Variants in SAMD9L observed in about 807,000 individuals in gnomAD.
The protein encoded by SAMD9L is sterile alpha motif domain containing 9 like, also known as sterile alpha motif domain-containing protein 9-like.
In SAMD9L, 68 loss-of-function variants were observed where a neutral mutation model predicts 90.7. The ratio of observed to expected loss-of-function variants is 0.75; its 90% CI spans 0.62 to 0.92. The LOEUF (loss-of-function observed/expected upper bound fraction) is 0.92, where lower values mean the gene tolerates loss of function less well. Among genes scored for constraint, SAMD9L ranks in the 40% least tolerant of loss-of-function variants. SAMD9L has a pLI of 0.00. For synonymous variants in SAMD9L, 640 were observed against 630.1 expected (o/e 1.02, Z -0.23); for missense variants, 1,604 against 1,824.3 (o/e 0.88, Z 2.20).
chr7:93,131,513 T>A lies in SAMD9L; in HGVS notation c.4459A>T (p.Ile1487Phe), dbSNP rs765115425. Reference sequence around the variant, plus strand: ...TGCTCTATTTTGGCCTTGTGAACAATACTGTTTAGACCCTTCCTTTTGCCC... The same window carrying A: ...TGCTCTATTTTGGCCTTGTGAACAAAACTGTTTAGACCCTTCCTTTTGCCC... ...YLGKRKGLNSIVHKAKIEQYF... is the reference protein window; with the variant it reads ...YLGKRKGLNSFVHKAKIEQYF... Residue 1487 changes from isoleucine (I) to phenylalanine (F), a missense_variant, in exon 5 of 5, where the codon ATT becomes TTT. Ile to Phe is a conservative substitution (Grantham distance 21, BLOSUM62 0). Around this residue, in one of 7 missense-constraint regions of SAMD9L, gnomAD observed 282 missense variants for 329.6 expected, o/e 0.86. Coordinates refer to ENST00000318238, the MANE Select transcript of SAMD9L (RefSeq NM_152703.5). The A allele has an allele frequency of 6.2e-7, 1 of 1,613,998 alleles. No homozygotes were observed. Among genetic ancestry groups the A allele is most frequent in the Admixed American group, 1.7e-5 (1 of 59,990 alleles).
rs780318573 is a variant in SAMD9L at position 93,131,767 on chromosome 7, G to T, written c.4205C>A (p.Pro1402Gln). ...CLKPNSKLIQ[P>Q]LTTLKKQLRE... The stretch of plus-strand genomic sequence containing the variant: ...GAGTTGTTTTTTTAGCGTGGTAAGT[G>T]GTTGAATTAACTTGGAGTTGGGCTT... The change falls in exon 5 of 5, where the codon CCA becomes CAA. Residue 1402 changes from proline (P) to glutamine (Q), a missense_variant. Pro to Gln is a moderately conservative substitution (Grantham distance 76). This residue lies in a region of SAMD9L where 282 missense variants were observed against 329.6 expected (regional missense o/e 0.86). Coordinates refer to ENST00000318238, the MANE Select transcript of SAMD9L (RefSeq NM_152703.5). 2 of 1,613,642 alleles carry T rather than the reference G, an allele frequency of 1.2e-6. No homozygotes were observed. Among genetic ancestry groups the T allele is most frequent in the Non-Finnish European group, 1.7e-6 (2 of 1,179,810 alleles).
chr7:93,132,351 A>G lies in SAMD9L; in HGVS notation c.3621T>C (p.Thr1207=), dbSNP rs1330238783. 6.2e-7 allele frequency: 1 copy of G among 1,613,918 alleles called. No homozygotes were observed. Among genetic ancestry groups the G allele is most frequent in the Non-Finnish European group, 8.5e-7 (1 of 1,179,864 alleles). Residue 1207 remains threonine (T), a synonymous_variant, in exon 5 of 5, where the codon ACT becomes ACC. Transcript: ENST00000318238. ...AGGGAGTGAGCTGAAGAATCTGGATAGTGTAAAGACCAACTTCTATTTCAC... is the reference window on the plus strand; with the variant it reads ...AGGGAGTGAGCTGAAGAATCTGGATGGTGTAAAGACCAACTTCTATTTCAC... The part of the protein sequence containing the change: ...FLGEIEVGLY[T]IQILQLTPFF...
chr7:93,135,840 T>C lies in SAMD9L; in HGVS notation c.132A>G (p.Gly44=). ...GQILLSEEVT[G]LVLQELTEKD... ...TCTCAGTTAATTCCTGCAGGACTAATCCTGTTACTTCTTCACTGAGCAGAA... is the reference window on the plus strand; with the variant it reads ...TCTCAGTTAATTCCTGCAGGACTAACCCTGTTACTTCTTCACTGAGCAGAA... The change falls in exon 5 of 5, where the codon GGA becomes GGG. Residue 44 remains glycine (G), a synonymous_variant. Coordinates refer to ENST00000318238, the MANE Select transcript of SAMD9L (RefSeq NM_152703.5). 1 of 1,614,082 alleles carries C rather than the reference T, an allele frequency of 6.2e-7. No individual in the cohort carries two copies. Among genetic ancestry groups the C allele is most frequent in the Non-Finnish European group, 8.5e-7 (1 of 1,179,970 alleles).
chr7:93,141,806 G>A (rs553298001), intron 4 of SAMD9L, among the ~76,000 whole-genome samples: 1 of 152,276 alleles, frequency 6.6e-6, no homozygotes, highest in Non-Finnish European at 1.5e-5. Flanking sequence ...GTTCAAAAGT[G>A]TAAGTGTGAT....
At chr7:93,146,475 C>G (rs1355115824) in intron 2 of SAMD9L, among the ~76,000 whole-genome samples, 1 of 152,164 alleles carries the variant, frequency 6.6e-6, no homozygotes, top group Non-Finnish European at 1.5e-5. Flanking sequence ...TCTGTCCAAC[C>G]CATTATTCTA....
In SAMD9L at chr7:93,135,941, T is replaced by C; in HGVS notation, c.31A>G (p.Ile11Val). ...ACATGCTCTTTGGTCCAGTCTTTAA[T>C]CATTTCAGGTAGAGATACTTGTTTA... Reference protein sequence around the residue: MSKQVSLPEMIKDWTKEHVKK... With the variant: MSKQVSLPEMVKDWTKEHVKK... The change falls in exon 5 of 5, where the codon ATT becomes GTT. Residue 11 changes from isoleucine (I) to valine (V), a missense_variant. Physicochemically the swap from Ile to Val is conservative, Grantham distance 29. Transcript: ENST00000318238. 1 of 1,603,710 alleles carries C rather than the reference T, an allele frequency of 6.2e-7. No homozygotes were observed. The highest frequency in any genetic ancestry group is 1.3e-5 in the African/African-American group (1 of 74,496).
In SAMD9L at chr7:93,136,009, A is replaced by T. The variant is rs770997638; in HGVS notation, c.-20-18T>A. 1 of 1,466,862 alleles carries T rather than the reference A, an allele frequency of 6.8e-7. No homozygotes were observed. Among genetic ancestry groups the T allele is most frequent in the South Asian group, 1.4e-5 (1 of 69,172 alleles). 90.9% of individuals were successfully genotyped at this position (1,466,862 alleles called of 1,614,324 possible). ...ACTTCTTCCTGAGACAAAGCAATAT[A>T]ATAAGTATTTTAGAATTATACTTTA... On this transcript the variant is annotated intron_variant, in intron 4 of 4. Transcript: ENST00000318238.
chr7:93,140,713 A>G (rs1039010933), intron 4 of SAMD9L, among the ~76,000 whole-genome samples: 1 of 152,094 alleles, frequency 6.6e-6, no homozygotes, highest in African/African-American at 2.4e-5. Context: ...ACTACATCAT[A>G]TGTTAGTTTC....
intron 4 of SAMD9L, among the ~76,000 whole-genome samples, chr7:93,138,723 A>C (rs1316515694): frequency 1.3e-5 from 2 of 151,892 alleles, no homozygotes; most frequent in Admixed American, 1.3e-4. Flanking sequence ...GGCAGCTCCT[A>C]CTCTTGCACC....
In SAMD9L at chr7:93,131,564, T is replaced by C; in HGVS notation, c.4408A>G (p.Lys1470Glu). ...AGATAGAAAAGTGTGCTTGCCTGCT[T>C]GGACCTGCACATGCGCTTGTACTGT... ...RGQYKRMCRS[K>E]QASTLFYLGK... The change falls in exon 5 of 5, where the codon AAG becomes GAG. Residue 1470 changes from lysine to glutamate, a missense_variant. Around this residue, in one of 7 missense-constraint regions of SAMD9L, gnomAD observed 282 missense variants for 329.6 expected, o/e 0.86. Transcript: ENST00000318238. The C allele has an allele frequency of 6.2e-7, 1 of 1,614,014 alleles. No individual in the cohort carries two copies. Among genetic ancestry groups the C allele is most frequent in the Non-Finnish European group, 8.5e-7 (1 of 1,179,900 alleles).
intron 4 of SAMD9L, among the ~76,000 whole-genome samples, chr7:93,136,683 G>T (rs934956848): frequency 6.6e-6 from 1 of 152,154 alleles, no homozygotes; most frequent in African/African-American, 2.4e-5. Flanking sequence ...CTAAATTATT[G>T]ATATGAGGCT....
In SAMD9L at chr7:93,130,318, C is replaced by T. The variant is rs1325354331; in HGVS notation, c.*899G>A. The T allele has an allele frequency of 1.3e-5, 2 of 152,088 alleles. No homozygotes were observed. Among genetic ancestry groups the T allele is most frequent in the Non-Finnish European group, 2.9e-5 (2 of 68,038 alleles). 9.4% of individuals were successfully genotyped at this position (152,088 alleles called of 1,614,324 possible). A position where few individuals can be genotyped will look rare whatever the true frequency, so the allele number is the denominator to read the frequency against. On this transcript the variant is annotated 3_prime_UTR_variant, in exon 5 of 5. Coordinates refer to ENST00000318238, the MANE Select transcript of SAMD9L (RefSeq NM_152703.5). Reference sequence around the variant, plus strand: ...GGAAGACTTCCTGGTGAAGGTGACTCTTGAAATCAGTTGTGAATGACAAAT... The same window carrying T: ...GGAAGACTTCCTGGTGAAGGTGACTTTTGAAATCAGTTGTGAATGACAAAT...
rs147671678 is a variant in SAMD9L at position 93,133,611 on chromosome 7, A to G, written c.2361T>C (p.Tyr787=). The change falls in exon 5 of 5, where the codon TAT becomes TAC. Residue 787 remains tyrosine, a synonymous_variant. Coordinates refer to ENST00000318238, the MANE Select transcript of SAMD9L (RefSeq NM_152703.5). ...IAEQVINLVT[Y]RAKSHQDYIP... is the part of the protein sequence containing the mutation. ...TGTAATCCTGATGGCTCTTTGCCCT[A>G]TAGGTGACCAGATTGATCACTTGCT... 35 of 1,613,654 alleles carry G rather than the reference A, an allele frequency of 2.2e-5. No individual in the cohort carries two copies. Among genetic ancestry groups the G allele is most frequent in the African/African-American group, 1.5e-4 (11 of 74,896 alleles).
Position 93,135,243 on chromosome 7 carries a change from G to A in SAMD9L, c.729C>T (p.Asp243=). 6.2e-7 allele frequency: 1 copy of A among 1,614,094 alleles called. No individual in the cohort carries two copies. The highest frequency in any genetic ancestry group is 8.5e-7 in the Non-Finnish European group (1 of 1,179,974). Reference sequence around the variant, plus strand: ...CACCAACAATTTCTCCATGGGGTTTGTCCTTGACTCCAAAATGGATGGTGC... The same window carrying A: ...CACCAACAATTTCTCCATGGGGTTTATCCTTGACTCCAAAATGGATGGTGC... ...TNGTIHFGVK[D]KPHGEIVGVK... The change falls in exon 5 of 5, where the codon GAC becomes GAT. Residue 243 remains aspartate (D), a synonymous_variant. Transcript: ENST00000318238.
At position 93,133,854 on chromosome 7, in the gene SAMD9L, A is replaced by G. The variant is rs1792273438; in HGVS notation, c.2118T>C (p.Ser706=). 1 of 1,613,536 alleles carries G rather than the reference A, an allele frequency of 6.2e-7. No individual in the cohort carries two copies. The highest frequency in any genetic ancestry group is 1.7e-4 in the Middle Eastern group (1 of 6,054). Reference sequence around the variant, plus strand: ...AACTGTCCCTTTTAACAAAATCTGAAGAATAGTTTTCAGAAGAAAAATAGA... The same window carrying G: ...AACTGTCCCTTTTAACAAAATCTGAGGAATAGTTTTCAGAAGAAAAATAGA... The part of the protein sequence containing the change: ...WNFYFSSENY[S]SDFVKRDSYE... The change falls in exon 5 of 5, where the codon TCT becomes TCC. Residue 706 remains serine (S), a synonymous_variant. Transcript: ENST00000318238.
In SAMD9L at chr7:93,145,636, A is replaced by T. The variant is rs1026060866; in HGVS notation, c.-374T>A. Reference sequence around the variant, plus strand: ...ATATCACAACCAATTAAAATGCAATAGACTGGACTGCTGCTGAGGAAATGT... The same window carrying T: ...ATATCACAACCAATTAAAATGCAATTGACTGGACTGCTGCTGAGGAAATGT... On this transcript the variant is annotated 5_prime_UTR_variant, in exon 3 of 5. Coordinates refer to ENST00000318238, the MANE Select transcript of SAMD9L (RefSeq NM_152703.5). The T allele has an allele frequency of 6.6e-6, 1 of 152,242 alleles. No homozygotes were observed. Among genetic ancestry groups the T allele is most frequent in the Non-Finnish European group, 1.5e-5 (1 of 68,040 alleles). The allele number at this position is 152,242 out of a possible 1,614,324, so 9.4% of individuals were successfully genotyped here.
At chr7:93,139,570 T>C (rs1231513687) in intron 4 of SAMD9L, among the ~76,000 whole-genome samples, 1 of 152,190 alleles carries the variant, frequency 6.6e-6, no homozygotes, top group African/African-American at 2.4e-5. Flanking sequence ...ATTGCCAGCA[T>C]GCTACTGTGA....
At position 93,134,616 on chromosome 7, in the gene SAMD9L, G is replaced by T. The variant is rs150450981; in HGVS notation, c.1356C>A (p.Ile452=). ...CTTTGTAAGCTTTGACCACTCCATTGATCATAGATTCAGGATCAAACTCCA... is the reference window on the plus strand; with the variant it reads ...CTTTGTAAGCTTTGACCACTCCATTTATCATAGATTCAGGATCAAACTCCA... ...AVLEFDPESM[I]NGVVKAYKES... The change falls in exon 5 of 5, where the codon ATC becomes ATA. Residue 452 remains isoleucine (I), a synonymous_variant. Transcript: ENST00000318238. 1.2e-4 allele frequency: 196 copies of T among 1,613,930 alleles called. 2 individuals are homozygous for T. The East Asian group carries it at 4.2e-3, about 35-fold the overall frequency.
In SAMD9L at chr7:93,131,151, T is replaced by TAG; in HGVS notation, c.*64_*65dup. 9.5e-7 allele frequency: 1 copy of TAG among 1,053,252 alleles called. No individual in the cohort carries two copies. Among genetic ancestry groups the TAG allele is most frequent in the Non-Finnish European group, 1.3e-6 (1 of 746,512 alleles). 65.2% of individuals were successfully genotyped at this position (1,053,252 alleles called of 1,614,324 possible). ...TAATGTTATGAAAGTGCCATGAGAA[T>TAG]AGAGAGAGAGAATAAAATCATAAAG... On this transcript the variant is annotated 3_prime_UTR_variant, in exon 5 of 5. Transcript: ENST00000318238.
Sources: allele counts gnomAD v4.1 joint callset (sites outside exome capture counted in the v4.1 genomes callset), GRCh38; gene constraint gnomAD v4.1.1; regional missense constraint gnomAD v4.1.1; transcripts MANE v1.5; gene names NCBI Gene and HGNC (gene_info 2026-07-23, HGNC 2026-07-21).